Variants in EEA1 observed in about 807,000 individuals in gnomAD.
The protein encoded by EEA1 is early endosome antigen 1, 162kD.
In EEA1, 111 loss-of-function variants were observed where a neutral mutation model predicts 209.2. That is an observed-to-expected ratio of 0.53 (90% confidence interval 0.45 to 0.62). The LOEUF (loss-of-function observed/expected upper bound fraction) is 0.62. Among genes scored for constraint, EEA1 ranks in the 20% least tolerant of loss-of-function variants. EEA1 has a pLI of 0.00. For synonymous variants in EEA1, 536 were observed against 540.6 expected (o/e 0.99, Z 0.12); for missense variants, 1,343 against 1,530.8 (o/e 0.88, Z 2.05).
At chr12:92,795,028 C>T (rs1052506221) in intron 21 of EEA1, among the ~76,000 whole-genome samples, 5 of 152,164 alleles carry the variant, frequency 3.3e-5, no homozygotes, top group African/African-American at 1.2e-4. Flanking sequence ...AATATATTCA[C>T]AAATCATTAT....
chr12:92,811,543 G>A (rs1875508531), intron 16 of EEA1, 109 bp from the exon 17 acceptor site: 2 of 694,462 alleles, frequency 2.9e-6, no homozygotes, highest in Non-Finnish European at 4.1e-6. Context: ...AAAATATTTG[G>A]AGTAAGAGCT....
intron 2 of EEA1, among the ~76,000 whole-genome samples, chr12:92,876,087 T>G (rs1299687423): frequency 1.3e-5 from 2 of 152,178 alleles, no homozygotes; most frequent in African/African-American, 4.8e-5. Flanking sequence ...TTTATTTATT[T>G]TTGAGACAGG....
chr12:92,928,658 G>A (rs1172615366), intron 1 of EEA1, among the ~76,000 whole-genome samples: 1 of 152,168 alleles, frequency 6.6e-6, no homozygotes, highest in Admixed American at 6.5e-5. Context: ...AATCTCCCAT[G>A]GGGCGTTCTC....
At chr12:92,785,407 T>A (rs759679248) in intron 22 of EEA1, among the ~76,000 whole-genome samples, 2 of 152,194 alleles carry the variant, frequency 1.3e-5, no homozygotes, top group African/African-American at 4.8e-5. Context: ...TTAGGTATCA[T>A]GTTACAAGGC....
intron 19 of EEA1, 116 bp downstream of exon 19, chr12:92,802,288 T>C: frequency 3.2e-6 from 3 of 924,086 alleles, no homozygotes; most frequent in Non-Finnish European, 4.6e-6. Flanking sequence ...TCATAAGAAC[T>C]ACTTTAAACT....
chr12:92,856,120 A>G (rs1321981370), intron 5 of EEA1, among the ~76,000 whole-genome samples: 2 of 152,228 alleles, frequency 1.3e-5, no homozygotes, highest in African/African-American at 4.8e-5. Flanking sequence ...GAAAGTCACA[A>G]TATGCCAAGA....
intron 22 of EEA1, among the ~76,000 whole-genome samples, chr12:92,785,112 T>C (rs894527505): frequency 1.3e-5 from 2 of 152,120 alleles, no homozygotes. Context: ...TAAGAAGATT[T>C]ATATTTAATT....
intron 1 of EEA1, among the ~76,000 whole-genome samples, chr12:92,899,149 G>A (rs1023995697): frequency 6.6e-6 from 1 of 151,504 alleles, no homozygotes; most frequent in African/African-American, 2.4e-5. Context: ...AAAAAAATGA[G>A]AGGAGCTGGA....
chr12:92,780,998 C>T (rs1873881194), intron 23 of EEA1, among the ~76,000 whole-genome samples: 1 of 152,136 alleles, frequency 6.6e-6, no homozygotes, highest in African/African-American at 2.4e-5. Context: ...GCAGCCTTGA[C>T]CTCCCAGGCT....
chr12:92,785,861 C>A (rs1176842742), intron 22 of EEA1, among the ~76,000 whole-genome samples: 1 of 152,040 alleles, frequency 6.6e-6, no homozygotes, highest in Non-Finnish European at 1.5e-5. Context: ...TCTCTTTTTG[C>A]CCATATTTAC....
At chr12:92,872,883 G>T (rs528190560) in intron 2 of EEA1, among the ~76,000 whole-genome samples, 11 of 152,244 alleles carry the variant, frequency 7.2e-5, no homozygotes, top group Middle Eastern at 6.8e-3. Flanking sequence ...AACCCGGGAG[G>T]GGGGAGGTTG....
At chr12:92,884,287 C>T in intron 2 of EEA1, 1 of 1,382,400 alleles carries the variant, frequency 7.2e-7, no homozygotes. Context: ...TGAATGGCCA[C>T]AACTGTGAAG....
At chr12:92,827,487 G>T (rs7955544) in intron 12 of EEA1, among the ~76,000 whole-genome samples, 53,157 of 152,198 alleles carry the variant, frequency 0.35, 10,913 homozygotes, top group East Asian at 0.88. Context: ...AGTCTAATGA[G>T]GGACAGCATT....
At chr12:92,777,184 A>G (rs1206592896) in intron 27 of EEA1, among the ~76,000 whole-genome samples, 1 of 151,912 alleles carries the variant, frequency 6.6e-6, no homozygotes, top group Non-Finnish European at 1.5e-5. Flanking sequence ...ACCTTTGCTG[A>G]TTTCCAATCC....
At chr12:92,788,142 A>T in intron 21 of EEA1, 93 bp from the exon 22 acceptor site, 1 of 1,120,630 alleles carries the variant, frequency 8.9e-7, no homozygotes, top group Admixed American at 3.5e-5. Flanking sequence ...GAAAATTCCA[A>T]ACAATAAGAT....
At chr12:92,928,525 A>C (rs1592784866) in intron 1 of EEA1, among the ~76,000 whole-genome samples, 1 of 152,154 alleles carries the variant, frequency 6.6e-6, no homozygotes, top group African/African-American at 2.4e-5. Context: ...GCCGGGGCTC[A>C]CCACACCACC....
chr12:92,897,087 G>A (rs1879916883), intron 1 of EEA1, among the ~76,000 whole-genome samples: 1 of 152,118 alleles, frequency 6.6e-6, no homozygotes, highest in Non-Finnish European at 1.5e-5. Flanking sequence ...AGGAGAATAG[G>A]GTCTGGAGGC....
At chr12:92,916,638 T>G (rs1880772175) in intron 1 of EEA1, among the ~76,000 whole-genome samples, 1 of 46,742 alleles carries the variant, frequency 2.1e-5, no homozygotes, top group Admixed American at 1.5e-4. Context: ...ACCACAAAGA[T>G]GGGGAAAAAA....
chr12:92,865,740 TTTTA>T (rs1461824720), intron 2 of EEA1, among the ~76,000 whole-genome samples: 46 of 150,290 alleles, frequency 3.1e-4, no homozygotes, highest in African/African-American at 1.1e-3. Context: ...TTTTATTTTA[TTTTA>T]TTTTATTTTA....
Sources: gnomAD v4.1 joint callset for allele counts (sites outside exome capture counted in the v4.1 genomes callset) on GRCh38, gnomAD v4.1.1 for gene constraint, MANE v1.5 for transcripts, NCBI Gene and HGNC (gene_info 2026-07-23, HGNC 2026-07-21) for gene names.